Variants in IGF1R observed in about 807,000 individuals in gnomAD.
IGF1R encodes the protein insulin-like growth factor 1 receptor.
IGF1R carries 44 observed loss-of-function variants against 144.6 expected under a neutral mutation model. The observed-to-expected ratio is 0.30, with a 90% CI of 0.24 to 0.39. IGF1R has a LOEUF of 0.39. IGF1R is among the 10% of genes least tolerant of loss of function. The pLI, the probability that IGF1R is intolerant of heterozygous loss-of-function variation, is 1.00. For missense variants in IGF1R, 1,355 were observed against 1,833.7 expected, an observed-to-expected ratio of 0.74 and a Z score of 4.77; for synonymous variants, 795 against 722.8, an observed-to-expected ratio of 1.10 and a Z score of -1.60.
rs1004164305 is a variant in IGF1R, at chr15:98,915,772, A to C, written c.1829-192A>C. Among the ~76,000 whole-genome samples, 12 of 152,366 alleles carry C rather than the reference A, an allele frequency of 7.9e-5. No homozygotes were observed. In the East Asian group the frequency reaches 2.3e-3, roughly 29 times the overall value. Reference sequence around the variant, plus strand: ...GAGATTACCGGAGGAAATAGATTATAAAGGGAAATGTTGGCATTTATAGTA... The same window carrying C: ...GAGATTACCGGAGGAAATAGATTATCAAGGGAAATGTTGGCATTTATAGTA... On this transcript the variant is annotated intron_variant, in intron 8 of 20. Coordinates refer to ENST00000650285, the MANE Select transcript of IGF1R (RefSeq NM_000875.5).
rs924278010 is a variant in IGF1R at position 98,964,371 on chromosome 15, A to C, written c.*6929A>C. 1 of 230,784 alleles carries C rather than the reference A, an allele frequency of 4.3e-6. No homozygotes were observed. The highest frequency in any genetic ancestry group is 1.8e-4 in the South Asian group (1 of 5,522). The allele number at this position is 230,784 out of a possible 1,614,324, so 14.3% of individuals were successfully genotyped here. A position where few individuals can be genotyped will look rare whatever the true frequency, so the allele number is the denominator to read the frequency against. On this transcript the variant is annotated 3_prime_UTR_variant, in exon 21 of 21. Transcript: ENST00000650285. ...TTTGTATATTCTGTTGTAAGAATTT[A>C]TTCCTGTTATTGCGATATACTCTGG... is the stretch of plus-strand genomic sequence containing the variant.
At chr15:98,822,474 G>C (rs2056819858) in intron 2 of IGF1R, among the ~76,000 whole-genome samples, 1 of 152,190 alleles carries the variant, frequency 6.6e-6, no homozygotes, top group Non-Finnish European at 1.5e-5. Flanking sequence ...CCGATGTAAA[G>C]TTTGGAGCCT....
intron 12 of IGF1R, 56 bp from the exon 13 acceptor site, chr15:98,924,469 G>T: frequency 3.2e-6 from 5 of 1,575,752 alleles, no homozygotes; most frequent in Middle Eastern, 1.7e-4. Flanking sequence ...TAGTTGGCAG[G>T]CCCCAGATTT....
At chr15:98,706,264 A>T (rs2053859680) in intron 1 of IGF1R, among the ~76,000 whole-genome samples, 1 of 152,250 alleles carries the variant, frequency 6.6e-6, no homozygotes, top group Non-Finnish European at 1.5e-5. Flanking sequence ...GGTGCTTCCC[A>T]AATTAATTAC....
At chr15:98,909,609 C>A (rs1286355429) in intron 6 of IGF1R, among the ~76,000 whole-genome samples, 4 of 152,156 alleles carry the variant, frequency 2.6e-5, no homozygotes, top group Admixed American at 6.6e-5. Context: ...TGAGCTCTAC[C>A]CTTCTGCTCC....
At chr15:98,655,122 G>A (rs949197982) in intron 1 of IGF1R, among the ~76,000 whole-genome samples, 2 of 152,088 alleles carry the variant, frequency 1.3e-5, no homozygotes, top group Admixed American at 1.3e-4. Flanking sequence ...CCGAGGGTCT[G>A]GAAAAGAATT....
intron 2 of IGF1R, among the ~76,000 whole-genome samples, chr15:98,837,540 T>C (rs970235506): frequency 6.6e-6 from 1 of 151,976 alleles, no homozygotes; most frequent in Admixed American, 6.6e-5. Flanking sequence ...TTCACCAATT[T>C]TTAAATTTTT....
At chr15:98,755,718 CAAAAAAAAAAAAAAA>C (rs56121011) in intron 2 of IGF1R, among the ~76,000 whole-genome samples, 19 of 34,502 alleles carry the variant, frequency 5.5e-4, no homozygotes, top group East Asian at 2.5e-3. Context: ...AACTCCATTG[CAAAAAAAAAAAAAAA>C]AAAAAAAAAA....
chr15:98,666,151 A>T (rs1469496548), intron 1 of IGF1R, among the ~76,000 whole-genome samples: 1 of 152,230 alleles, frequency 6.6e-6, no homozygotes, highest in African/African-American at 2.4e-5. Flanking sequence ...GGTGAAATGT[A>T]AGTCAGACCC....
intron 2 of IGF1R, among the ~76,000 whole-genome samples, chr15:98,777,086 C>T (rs983757890): frequency 2.0e-5 from 3 of 152,292 alleles, no homozygotes; most frequent in Admixed American, 6.5e-5. Flanking sequence ...GGGAGGGCTG[C>T]GGTCTGTTTC....
intron 2 of IGF1R, among the ~76,000 whole-genome samples, chr15:98,745,147 G>A (rs2054833106): frequency 6.6e-6 from 1 of 152,218 alleles, no homozygotes; most frequent in Non-Finnish European, 1.5e-5. Flanking sequence ...GGAGAAGGAA[G>A]TCATGCTTCT....
chr15:98,705,999 T>A (rs1445731391), intron 1 of IGF1R, among the ~76,000 whole-genome samples: 2 of 152,232 alleles, frequency 1.3e-5, no homozygotes, highest in Non-Finnish European at 2.9e-5. Flanking sequence ...GAGCTTTAAA[T>A]CCTAGGCACC....
chr15:98,813,322 T>A (rs73479742), intron 2 of IGF1R, among the ~76,000 whole-genome samples: 2,977 of 152,214 alleles, frequency 0.02, 103 homozygotes, highest in African/African-American at 0.068. Context: ...TTACCACCTT[T>A]ATTGGGATTT....
intron 1 of IGF1R, among the ~76,000 whole-genome samples, chr15:98,677,854 G>T (rs945940122): frequency 2.0e-5 from 3 of 152,180 alleles, no homozygotes; most frequent in African/African-American, 4.8e-5. Context: ...TGTGGGTATG[G>T]CTAGTGGGTT....
chr15:98,943,039 T>G lies in IGF1R; in HGVS notation c.3574T>G (p.Tyr1192Asp). 6.2e-7 allele frequency: 1 copy of G among 1,614,228 alleles called. No individual in the cohort carries two copies. Among genetic ancestry groups the G allele is most frequent in the South Asian group, 1.1e-5 (1 of 91,092 alleles). ...ESLKDGVFTT[Y>D]SDVWSFGVVL... ...CCTCAAGGATGGAGTCTTCACCACT[T>G]ACTCGGACGTCTGGTATGAGAACCT... Residue 1192 changes from tyrosine (Y) to aspartate (D), a missense_variant, in exon 19 of 21, where the codon TAC becomes GAC. Physicochemically the swap from Tyr to Asp is radical, Grantham distance 160. Coordinates refer to ENST00000650285, the MANE Select transcript of IGF1R (RefSeq NM_000875.5).
chr15:98,875,405 A>C (rs1488598757), intron 2 of IGF1R, among the ~76,000 whole-genome samples: 3 of 145,130 alleles, frequency 2.1e-5, no homozygotes, highest in African/African-American at 7.7e-5. Flanking sequence ...GTGTTCAGGG[A>C]AAGGGTTAAG....
At chr15:98,738,002 G>T (rs556590718) in intron 2 of IGF1R, among the ~76,000 whole-genome samples, 1 of 152,324 alleles carries the variant, frequency 6.6e-6, no homozygotes, top group African/African-American at 2.4e-5. Flanking sequence ...CTCTGAGGTG[G>T]ATGGTGGCTC....
At chr15:98,752,295 G>C (rs1324594709) in intron 2 of IGF1R, among the ~76,000 whole-genome samples, 1 of 152,158 alleles carries the variant, frequency 6.6e-6, no homozygotes, top group Non-Finnish European at 1.5e-5. Flanking sequence ...TGAGAGCTCA[G>C]GGCATGTGGC....
intron 2 of IGF1R, among the ~76,000 whole-genome samples, chr15:98,728,837 A>G (rs1348049420): frequency 6.6e-6 from 1 of 152,234 alleles, no homozygotes; most frequent in Non-Finnish European, 1.5e-5. Flanking sequence ...AGCTCTTTGT[A>G]GTAGGTGGTA....
Sources: gnomAD v4.1 joint callset for allele counts (sites outside exome capture counted in the v4.1 genomes callset) on GRCh38, gnomAD v4.1.1 for gene constraint, MANE v1.5 for transcripts, NCBI Gene and HGNC (gene_info 2026-07-23, HGNC 2026-07-21) for gene names.